EIF4E1B: variants seen among roughly 807,000 people sequenced by gnomAD.
EIF4E1B encodes the protein eukaryotic translation initiation factor 4E type 1B.
A neutral mutation model predicts 31.3 loss-of-function variants in EIF4E1B; 22 were observed. The ratio of observed to expected loss-of-function variants is 0.70; its 90% CI spans 0.50 to 1.00. The LOEUF (loss-of-function observed/expected upper bound fraction) is 1.00. Ranked by LOEUF, EIF4E1B falls within the 50% of genes least tolerant of loss-of-function variation. The pLI is 0.00. For missense variants in EIF4E1B, 290 were observed against 311.6 expected (o/e 0.93, Z 0.52); for synonymous variants, 126 against 120.2 (o/e 1.05, Z -0.31).
intron 1 of EIF4E1B, among the ~76,000 whole-genome samples, chr5:176,632,553 G>T (rs916589968): frequency 6.6e-6 from 1 of 152,208 alleles, no homozygotes; most frequent in Non-Finnish European, 1.5e-5. Context: ...ACCTCACCTG[G>T]CCACACCTCT....
intron 1 of EIF4E1B, among the ~76,000 whole-genome samples, chr5:176,634,596 CTT>C (rs1454219212): frequency 6.7e-6 from 1 of 149,632 alleles, no homozygotes; most frequent in Non-Finnish European, 1.5e-5. Flanking sequence ...GTAACTATAA[CTT>C]TATATAATTT....
In EIF4E1B at chr5:176,642,861, C is replaced by T. The variant is rs868274689; in HGVS notation, c.15+59C>T. The T allele has an allele frequency of 4.5e-4, 506 of 1,119,482 alleles. 19 individuals carry two copies. The highest frequency in any genetic ancestry group is 6.0e-4 in the Admixed American group (17 of 28,520). The allele number at this position is 1,119,482 out of a possible 1,614,324, so 69.3% of individuals were successfully genotyped here. On this transcript the variant is annotated intron_variant, in intron 3 of 8. Coordinates refer to ENST00000318682, the MANE Select transcript of EIF4E1B (RefSeq NM_001099408.2). ...CATGGCCCCGCCCTCTCCCCCCCCC[C>T]CCCCGCCCCAGGTGGGCGGGGCAGG... is the stretch of plus-strand genomic sequence containing the variant.
intron 1 of EIF4E1B, chr5:176,641,694 C>T (rs967147535): frequency 6.6e-6 from 1 of 152,450 alleles, no homozygotes; most frequent in Non-Finnish European, 1.5e-5. Flanking sequence ...TGAGCAAATA[C>T]TCAGCCTCCA....
In EIF4E1B at chr5:176,643,115, GAGGAGGAGGAGA is replaced by G. The variant is rs1170916764; in HGVS notation, c.61_72del (p.Lys21_Glu24del). On this transcript the variant is annotated inframe_deletion, in exon 4 of 9. Coordinates refer to ENST00000318682, the MANE Select transcript of EIF4E1B (RefSeq NM_001099408.2). Reference sequence around the variant, plus strand: ...AGCTGAGGGTGGAATCCGAGAGTGGGAGGAGGAGGAGAAGGAGGAGGAGGCAGCAGAGAGGAC... The same window carrying G: ...AGCTGAGGGTGGAATCCGAGAGTGGGAGGAGGAGGAGGCAGCAGAGAGGAC... 1.2e-6 allele frequency: 2 copies of G among 1,612,962 alleles called. No homozygotes were observed. Among genetic ancestry groups the G allele is most frequent in the South Asian group, 1.1e-5 (1 of 90,940 alleles).
rs1359152442 is a variant in EIF4E1B, at chr5:176,642,844, C to T, written c.15+42C>T. 1.3e-5 allele frequency: 19 copies of T among 1,433,470 alleles called. No individual in the cohort carries two copies. The East Asian group carries it at 1.3e-4, about 10-fold the overall frequency. The allele number at this position is 1,433,470 out of a possible 1,614,324, so 88.8% of individuals were successfully genotyped here. On this transcript the variant is annotated intron_variant, in intron 3 of 8. Coordinates refer to ENST00000318682, the MANE Select transcript of EIF4E1B (RefSeq NM_001099408.2). ...CTCTACCCCCAGTGCACCATGGCCCCGCCCTCTCCCCCCCCCCCCCCGCCC... is the reference window on the plus strand; with the variant it reads ...CTCTACCCCCAGTGCACCATGGCCCTGCCCTCTCCCCCCCCCCCCCCGCCC...
At position 176,643,175 on chromosome 5, in the gene EIF4E1B, A is replaced by G. The variant is rs940779961; in HGVS notation, c.109A>G (p.Asn37Asp). ...GACGCCCACAGGAGAAAAGTCTCCA[A>G]ACTCTCCCAGGACTTTGCTGTCTCT... ...ERTPTGEKSP[N>D]SPRTLLSLRG... The change falls in exon 4 of 9, where the codon AAC becomes GAC. Residue 37 changes from asparagine (N) to aspartate (D), a missense_variant. Asn to Asp is a conservative substitution (Grantham distance 23). Transcript: ENST00000318682. 14 of 1,613,660 alleles carry G rather than the reference A, an allele frequency of 8.7e-6. No homozygotes were observed. The African/African-American group carries it at 1.6e-4, about 18-fold the overall frequency.
At chr5:176,635,900 T>A (rs140115009) in intron 1 of EIF4E1B, among the ~76,000 whole-genome samples, 1 of 152,116 alleles carries the variant, frequency 6.6e-6, no homozygotes, top group African/African-American at 2.4e-5. Flanking sequence ...CACTGCAACC[T>A]CTGCCTCCCG....
intron 1 of EIF4E1B, among the ~76,000 whole-genome samples, chr5:176,635,825 C>CTTT (rs369971875): frequency 6.6e-6 from 1 of 151,048 alleles, no homozygotes; most frequent in African/African-American, 2.4e-5. Context: ...TCTTTCTTTC[C>CTTT]TTTTTTTTTG....
At chr5:176,642,849 T>TCCC (rs745905318) in intron 3 of EIF4E1B, 47 bp downstream of exon 3, 7 of 1,181,950 alleles carry the variant, frequency 5.9e-6, no homozygotes, top group African/African-American at 3.5e-5. Flanking sequence ...GGCCCCGCCC[T>TCCC]CTCCCCCCCC....
chr5:176,645,659 C>G lies in EIF4E1B; in HGVS notation c.614+143C>G. 7.8e-7 allele frequency: 1 copy of G among 1,281,660 alleles called. No homozygotes were observed. Among genetic ancestry groups the G allele is most frequent in the Non-Finnish European group, 1.0e-6 (1 of 956,312 alleles). 79.4% of individuals were successfully genotyped at this position (1,281,660 alleles called of 1,614,324 possible). ...TGCCTTGCCCACCTGTATGGAAGGTCTGGCGTTCAGATTTCTAACTTTCTC... is the reference window on the plus strand; with the variant it reads ...TGCCTTGCCCACCTGTATGGAAGGTGTGGCGTTCAGATTTCTAACTTTCTC... On this transcript the variant is annotated intron_variant, in intron 8 of 8. Coordinates refer to ENST00000318682, the MANE Select transcript of EIF4E1B (RefSeq NM_001099408.2). This position sits in a 1 kb window ranked among gnomAD's most constrained non-coding sequence, Gnocchi z 5.4.
At chr5:176,644,623 G>A in intron 6 of EIF4E1B, 184 bp downstream of exon 6, 1 of 641,872 alleles carries the variant, frequency 1.6e-6, no homozygotes, top group Non-Finnish European at 2.6e-6. Flanking sequence ...TCAGGCCCAA[G>A]CCGCACCTTG....
In EIF4E1B at chr5:176,631,045, C is replaced by G. The variant is rs887580310; in HGVS notation, c.-221C>G. The G allele has an allele frequency of 1.3e-5, 2 of 152,394 alleles. No homozygotes were observed. Among genetic ancestry groups the G allele is most frequent in the Non-Finnish European group, 2.9e-5 (2 of 68,060 alleles). The allele number at this position is 152,394 out of a possible 1,614,324, so 9.4% of individuals were successfully genotyped here. Reference sequence around the variant, plus strand: ...AAAATAAACGGATCAACATCCAAAGCAACAAGGTCATTACAGCTTGTAAGT... The same window carrying G: ...AAAATAAACGGATCAACATCCAAAGGAACAAGGTCATTACAGCTTGTAAGT... On this transcript the variant is annotated 5_prime_UTR_variant, in exon 1 of 9. Coordinates refer to ENST00000318682, the MANE Select transcript of EIF4E1B (RefSeq NM_001099408.2).
rs756099664 is a variant in EIF4E1B at position 176,645,416 on chromosome 5, A to T, written c.514A>T (p.Arg172Ter). The change falls in exon 8 of 9, where the codon AGA becomes TGA. Residue 172 changes from arginine to a stop codon, truncating the protein, a stop_gained. Coordinates refer to ENST00000318682, the MANE Select transcript of EIF4E1B (RefSeq NM_001099408.2). LOFTEE classifies it high-confidence loss of function. The surrounding 1 kb of genome is among the most constrained non-coding windows in gnomAD (Gnocchi z 5.4). Reference protein sequence around the residue: ...LIGESFEEHSREVCGAVVNIR... With the variant: ...LIGESFEEHS ...CGGGGAGAGCTTTGAGGAACACAGC[A>T]GAGAGGTATGTGGGGCCGTCGTCAA... is the stretch of plus-strand genomic sequence containing the variant. 6.6e-7 allele frequency: 1 copy of T among 1,522,424 alleles called. No homozygotes were observed. Among genetic ancestry groups the T allele is most frequent in the South Asian group, 1.3e-5 (1 of 76,354 alleles). The allele number at this position is 1,522,424 out of a possible 1,614,324, so 94.3% of individuals were successfully genotyped here.
intron 1 of EIF4E1B, among the ~76,000 whole-genome samples, chr5:176,635,205 A>G (rs1760474013): frequency 6.6e-6 from 1 of 152,032 alleles, no homozygotes; most frequent in Non-Finnish European, 1.5e-5. Context: ...TCTGGCAGTG[A>G]GAAAGAAGGA....
intron 1 of EIF4E1B, among the ~76,000 whole-genome samples, chr5:176,632,544 C>T (rs1760423654): frequency 6.6e-6 from 1 of 152,212 alleles, no homozygotes; most frequent in Non-Finnish European, 1.5e-5. Flanking sequence ...GCATGAGCCA[C>T]CTCACCTGGC....
chr5:176,642,857 C>CCCCCCT (rs1554151050), intron 3 of EIF4E1B, 55 bp downstream of exon 3: 4 of 1,276,822 alleles, frequency 3.1e-6, no homozygotes, highest in South Asian at 1.8e-5. Context: ...CCTCTCCCCC[C>CCCCCCT]CCCCCCCCGC....
intron 1 of EIF4E1B, among the ~76,000 whole-genome samples, chr5:176,635,044 T>C (rs1485920157): frequency 6.6e-6 from 1 of 151,916 alleles, no homozygotes; most frequent in Non-Finnish European, 1.5e-5. Flanking sequence ...GTCATTAGCA[T>C]AGAGGTGGTG....
intron 1 of EIF4E1B, among the ~76,000 whole-genome samples, chr5:176,631,766 G>C (rs1009426595): frequency 6.6e-6 from 1 of 152,092 alleles, no homozygotes; most frequent in African/African-American, 2.4e-5. Context: ...TGTTTACCAA[G>C]CATAAATGCA....
At chr5:176,644,130 AG>A (rs1452442720) in intron 5 of EIF4E1B, 2 of 573,142 alleles carry the variant, frequency 3.5e-6, no homozygotes, top group Non-Finnish European at 6.2e-6. Context: ...CTGTAGCTGG[AG>A]GGGGGAGCAC....
Sources: gnomAD v4.1 joint callset for allele counts (sites outside exome capture counted in the v4.1 genomes callset) on GRCh38, gnomAD v4.1.1 for gene constraint, Gnocchi (gnomAD v3.1) non-coding constraint, MANE v1.5 for transcripts, NCBI Gene and HGNC (gene_info 2026-07-23, HGNC 2026-07-21) for gene names.